CHIA: variants seen among roughly 807,000 people sequenced by gnomAD.
The protein encoded by CHIA is chitinase acidic.
Under a neutral mutation model 53.5 loss-of-function variants are expected in CHIA, and 47 were observed. That is an observed-to-expected ratio of 0.88 (90% confidence interval 0.70 to 1.12). The LOEUF is 1.12. CHIA is among the 50% of genes most tolerant of loss of function. The pLI is 0.00. For missense variants in CHIA, 652 were observed against 592.2 expected, an observed-to-expected ratio of 1.10 and a Z score of -1.05; for synonymous variants, 268 against 222.2, an observed-to-expected ratio of 1.21 and a Z score of -1.83.
intron 1 of CHIA, among the ~76,000 whole-genome samples, chr1:111,293,201 C>G (rs1289812446): frequency 2.6e-5 from 4 of 152,170 alleles, no homozygotes; most frequent in Non-Finnish European, 5.9e-5. Context: ...TTCCCACCAA[C>G]AGGGCACAAC....
intron 2 of CHIA, 32 bp downstream of exon 2, chr1:111,310,524 C>G (rs1446782784): frequency 6.2e-7 from 1 of 1,613,874 alleles, no homozygotes; most frequent in Non-Finnish European, 8.5e-7. Context: ...GACCCTTCAT[C>G]TTATCTAGTT....
chr1:111,295,090 G>T (rs1178488156), intron 1 of CHIA, among the ~76,000 whole-genome samples: 2 of 152,174 alleles, frequency 1.3e-5, no homozygotes, highest in Admixed American at 1.3e-4. Context: ...GGAAAAGTTT[G>T]AAAAGAATTG....
chr1:111,312,502 T>A, intron 4 of CHIA, 111 bp downstream of exon 4: 1 of 833,560 alleles, frequency 1.2e-6, no homozygotes, highest in Admixed American at 2.3e-5. Flanking sequence ...GGACCAAGAC[T>A]CTGCATTTCA....
intron 1 of CHIA, among the ~76,000 whole-genome samples, chr1:111,295,568 T>A (rs545038825): frequency 2.6e-5 from 4 of 152,146 alleles, no homozygotes; most frequent in African/African-American, 9.6e-5. Context: ...CGTCTGCAGC[T>A]CCCAGTGTGA....
chr1:111,291,613 C>G (rs1391558478), intron 1 of CHIA, among the ~76,000 whole-genome samples: 1 of 151,986 alleles, frequency 6.6e-6, no homozygotes, highest in Admixed American at 6.5e-5. Flanking sequence ...ACCATCATGG[C>G]ACACGTATAC....
At chr1:111,292,033 A>C (rs112129283) in intron 1 of CHIA, among the ~76,000 whole-genome samples, 5 of 152,170 alleles carry the variant, frequency 3.3e-5, no homozygotes, top group African/African-American at 9.6e-5. Flanking sequence ...AATTGTAATA[A>C]ATTTATATTT....
At chr1:111,315,897 T>C (rs1323248270) in intron 6 of CHIA, 5 of 413,768 alleles carry the variant, frequency 1.2e-5, no homozygotes, top group Non-Finnish European at 1.9e-5. Flanking sequence ...GCAGACATTG[T>C]CAGGCTAAAT....
intron 1 of CHIA, among the ~76,000 whole-genome samples, chr1:111,308,425 A>G (rs1477777425): frequency 1.3e-5 from 2 of 152,208 alleles, no homozygotes; most frequent in Non-Finnish European, 2.9e-5. Context: ...TGCGTACTTA[A>G]CACAGGGATC....
chr1:111,315,652 G>T (rs942668646), intron 6 of CHIA: 81 of 591,444 alleles, frequency 1.4e-4, no homozygotes, highest in Non-Finnish European at 2.4e-5. Context: ...TCTACATGTT[G>T]TTTTAAGAAC....
rs1447555787 is a variant in CHIA, at chr1:111,320,375, T to C, written c.1340T>C (p.Phe447Ser). 6.2e-7 allele frequency: 1 copy of C among 1,614,234 alleles called. No individual in the cohort carries two copies. The change falls in exon 12 of 12, where the codon TTC (phenylalanine) becomes TCC (serine). Residue 447 changes from phenylalanine (F) to serine (S), a missense_variant. Coordinates refer to ENST00000369740, the MANE Select transcript of CHIA (RefSeq NM_201653.4). Reference sequence around the variant, plus strand: ...CCCGTGGCAAATAACAGAAATGCCTTCTGGCACTGCGTGAATGGAGTCACG... The same window carrying C: ...CCCGTGGCAAATAACAGAAATGCCTCCTGGCACTGCGTGAATGGAGTCACG... ...LYPVANNRNAFWHCVNGVTYQ... is the reference protein window; with the variant it reads ...LYPVANNRNASWHCVNGVTYQ...
chr1:111,295,598 ATT>A (rs1213762379), intron 1 of CHIA, among the ~76,000 whole-genome samples: 2 of 151,256 alleles, frequency 1.3e-5, no homozygotes, highest in Non-Finnish European at 1.5e-5. Context: ...AAGACAGGTG[ATT>A]TCTGCATTTT....
At chr1:111,300,326 A>T (rs1017890847) in intron 1 of CHIA, among the ~76,000 whole-genome samples, 2 of 152,246 alleles carry the variant, frequency 1.3e-5, no homozygotes, top group African/African-American at 4.8e-5. Context: ...ACTTGACTTC[A>T]AACTATACTA....
chr1:111,303,503 A>G (rs1022656250), intron 1 of CHIA, among the ~76,000 whole-genome samples: 1 of 151,966 alleles, frequency 6.6e-6, no homozygotes, highest in Admixed American at 6.5e-5. Context: ...ATGAATACAC[A>G]CACATATATA....
intron 6 of CHIA, chr1:111,315,879 A>G: frequency 2.3e-6 from 1 of 442,374 alleles, no homozygotes; most frequent in Non-Finnish European, 4.5e-6. Context: ...CTGAGTACAT[A>G]TTCTGTGGCA....
At chr1:111,298,434 A>AGAAACTCACTCAAAACC (rs1268902865) in intron 1 of CHIA, among the ~76,000 whole-genome samples, 1 of 152,250 alleles carries the variant, frequency 6.6e-6, no homozygotes, top group African/African-American at 2.4e-5. Context: ...CTCAGGATTA[A>AGAAACTCACTCAAAACC]GAAACTCACT....
intron 6 of CHIA, chr1:111,316,124 T>C (rs1649139237): frequency 7.7e-6 from 2 of 261,172 alleles, no homozygotes; most frequent in East Asian, 2.0e-4. Flanking sequence ...TGAAAGAAAC[T>C]GGTGTTAACC....
intron 1 of CHIA, among the ~76,000 whole-genome samples, chr1:111,300,588 A>C (rs1410787703): frequency 6.6e-6 from 1 of 152,152 alleles, no homozygotes; most frequent in Non-Finnish European, 1.5e-5. Flanking sequence ...TATTCAAGAC[A>C]GATTAAAGAC....
chr1:111,297,919 A>C (rs1557732938), intron 1 of CHIA, among the ~76,000 whole-genome samples: 1 of 149,464 alleles, frequency 6.7e-6, no homozygotes, highest in Non-Finnish European at 1.5e-5. Flanking sequence ...AAAAAAAAAA[A>C]AAAAAACAAG....
chr1:111,308,950 C>T (rs28480609), intron 1 of CHIA, among the ~76,000 whole-genome samples: 20,084 of 152,156 alleles, frequency 0.13, 1,538 homozygotes, highest in African/African-American at 0.19. Flanking sequence ...ACATAGTAGG[C>T]ACTTGTAGTG....
Sources: allele counts gnomAD v4.1 joint callset (sites outside exome capture counted in the v4.1 genomes callset), GRCh38; gene constraint gnomAD v4.1.1; transcripts MANE v1.5; gene names NCBI Gene and HGNC (gene_info 2026-07-23, HGNC 2026-07-21).